Variants in C19orf47 observed in about 807,000 individuals in gnomAD.
C19orf47 encodes chromosome 19 open reading frame 47, also known as uncharacterized protein C19orf47.
A neutral mutation model predicts 32.3 loss-of-function variants in C19orf47; 18 were observed. That is an observed-to-expected ratio of 0.56 (90% confidence interval 0.39 to 0.83). The LOEUF is 0.83. Ranked by LOEUF, C19orf47 falls within the 40% of genes least tolerant of loss-of-function variation. The pLI, the probability that C19orf47 is intolerant of heterozygous loss-of-function variation, is 0.00. For missense variants in C19orf47, 484 were observed against 531.6 expected (o/e 0.91, Z 0.88); for synonymous variants, 202 against 211.1 (o/e 0.96, Z 0.37).
chr19:40,315,670 C>T (rs2077657075), downstream of C19orf47, among the ~76,000 whole-genome samples: 2 of 151,944 alleles, frequency 1.3e-5, no homozygotes, highest in South Asian at 2.1e-4. Flanking sequence ...ATCCCAGCCA[C>T]TCAGGAGGCT....
downstream of C19orf47, among the ~76,000 whole-genome samples, chr19:40,316,714 C>A (rs2077664415): frequency 6.6e-6 from 1 of 152,180 alleles, no homozygotes; most frequent in African/African-American, 2.4e-5. Context: ...TAGTTCAGAT[C>A]TGCAACGGAC....
rs2078060772 is a variant in C19orf47, at chr19:40,336,163, C to A, written c.169G>T (p.Val57Leu). The A allele has an allele frequency of 2.5e-6, 4 of 1,614,080 alleles. No individual in the cohort carries two copies. The highest frequency in any genetic ancestry group is 3.4e-6 in the Non-Finnish European group (4 of 1,180,030). ...AGAATGGCGATGATGTCACCCACCA[C>A]GGTCACGCCCAGCTCATTCATTATC... ...KEIMNELGVT[V>L]VGDIIAILKH... Residue 57 changes from valine to leucine, a missense_variant, in exon 4 of 9, where the codon GTG becomes TTG. Transcript: ENST00000683109.
chr19:40,331,133 A>G (rs1260860298), intron 5 of C19orf47, among the ~76,000 whole-genome samples: 1 of 152,204 alleles, frequency 6.6e-6, no homozygotes, highest in Non-Finnish European at 1.5e-5. Context: ...CCCTACCCAC[A>G]ATGACTGTGG....
In C19orf47 at chr19:40,322,238, C is replaced by G; in HGVS notation, c.802G>C (p.Ala268Pro). The change falls in exon 9 of 9, where the codon GCC becomes CCC. Residue 268 changes from alanine to proline, a missense_variant. Ala to Pro is a conservative substitution (Grantham distance 27, BLOSUM62 -1). Coordinates refer to ENST00000683109, the MANE Select transcript of C19orf47 (RefSeq NM_001256441.2). ...LKKLGRGPAK[A>P]SPQPALTVKA... ...ACAGTCAGTGCTGGCTGGGGACTGG[C>G]CTTGGCTGGGCCCCGTCCTAGCTTC... 1 of 1,609,214 alleles carries G rather than the reference C, an allele frequency of 6.2e-7. No homozygotes were observed. The highest frequency in any genetic ancestry group is 8.5e-7 in the Non-Finnish European group (1 of 1,179,986).
rs144750791 is a variant in C19orf47 at position 40,326,474 on chromosome 19, C to G, written c.452G>C (p.Arg151Pro). 3 of 1,613,348 alleles carry G rather than the reference C, an allele frequency of 1.9e-6. No individual in the cohort carries two copies. The highest frequency in any genetic ancestry group is 2.2e-5 in the South Asian group (2 of 91,050). The stretch of plus-strand genomic sequence containing the variant: ...AACAGCCAGGCTCTCCTCCTCCCGG[C>G]GGGCCAGGGCTGCTGGGGGAAGAAA... ...KSAKATAALA[R>P]REEESLAVPA... Residue 151 changes from arginine to proline, a missense_variant, in exon 7 of 9, where the codon CGC becomes CCC. Coordinates refer to ENST00000683109, the MANE Select transcript of C19orf47 (RefSeq NM_001256441.2).
intron 1 of C19orf47, chr19:40,343,444 T>C (rs1770431576): frequency 6.6e-6 from 1 of 152,210 alleles, no homozygotes. Context: ...TGTCACCATT[T>C]GTGAATTGGG....
In C19orf47 at chr19:40,333,865, C is replaced by T. The variant is rs757690643; in HGVS notation, c.287G>A (p.Arg96His). 5 of 1,574,864 alleles carry T rather than the reference C, an allele frequency of 3.2e-6. No individual in the cohort carries two copies. Among genetic ancestry groups the T allele is most frequent in the East Asian group, 4.6e-5 (2 of 43,612 alleles). ...TTAGGACTCACCACTGGTGCCACGG[C>T]GAATTTCGCCTGCAAGGGGGCTAGG... ...CSPSPLAGEI[R>H]RGTSAASRMI... is the part of the protein sequence containing the mutation. The change falls in exon 5 of 9, where the codon CGC (arginine) becomes CAC (histidine). Residue 96 changes from arginine to histidine, a missense_variant. By Grantham distance (29) the Arg-to-His change is conservative. Around this residue, in one of 3 missense-constraint regions of C19orf47, gnomAD observed 376 missense variants for 370.2 expected, o/e 1.02. Transcript: ENST00000683109.
Position 40,336,400 on chromosome 19 carries a change from G to T in C19orf47, c.27C>A (p.Ser9=). The change falls in exon 3 of 9, where the codon TCC becomes TCA. Residue 9 remains serine, a synonymous_variant. Coordinates refer to ENST00000683109, the MANE Select transcript of C19orf47 (RefSeq NM_001256441.2). MVSVTMAT[S]EWIQFFKEAG... ...CTTCCTTAAAGAACTGGATCCACTCGGAAGTGGCTGTGGGGTTGGACAGGG... is the reference window on the plus strand; with the variant it reads ...CTTCCTTAAAGAACTGGATCCACTCTGAAGTGGCTGTGGGGTTGGACAGGG... 1.2e-6 allele frequency: 2 copies of T among 1,613,108 alleles called. No individual in the cohort carries two copies. The highest frequency in any genetic ancestry group is 8.5e-7 in the Non-Finnish European group (1 of 1,179,578).
At chr19:40,348,224 C>G (rs1568635617) in intron 1 of C19orf47, 100 bp downstream of exon 1, 3 of 786,398 alleles carry the variant, frequency 3.8e-6, no homozygotes, top group Non-Finnish European at 5.3e-6. Context: ...ATCGTAAGTC[C>G]GAAGCCGTAC....
intron 1 of C19orf47, chr19:40,342,370 T>G (rs1297475966): frequency 6.2e-6 from 1 of 162,338 alleles, no homozygotes; most frequent in East Asian, 1.8e-4. Flanking sequence ...TGACTGTTCA[T>G]AGTCCTTTAC....
intron 1 of C19orf47, among the ~76,000 whole-genome samples, chr19:40,346,540 T>C (rs981391242): frequency 1.3e-5 from 2 of 148,578 alleles, no homozygotes; most frequent in African/African-American, 4.9e-5. Context: ...CCCTTTTTTT[T>C]TTTTGAGATG....
At chr19:40,327,586 C>T (rs1382311051) in intron 6 of C19orf47, among the ~76,000 whole-genome samples, 1 of 152,108 alleles carries the variant, frequency 6.6e-6, no homozygotes, top group Non-Finnish European at 1.5e-5. Flanking sequence ...GTGTCAGAAA[C>T]ATGAAGCGCC....
rs2077878714 is a variant in C19orf47 at position 40,328,421 on chromosome 19, T to G, written c.431A>C (p.Lys144Thr). 1.9e-6 allele frequency: 3 copies of G among 1,612,936 alleles called. No homozygotes were observed. Among genetic ancestry groups the G allele is most frequent in the Non-Finnish European group, 8.5e-7 (1 of 1,179,474 alleles). Residue 144 changes from lysine (K) to threonine (T), a missense_variant, in exon 6 of 9, where the codon AAG (lysine) becomes ACG (threonine). Lys to Thr is a moderately conservative substitution (Grantham distance 78). Coordinates refer to ENST00000683109, the MANE Select transcript of C19orf47 (RefSeq NM_001256441.2). ...TGCCCATGTTCCCTCACCAGTGGCC[T>G]TGGCACTCTTTGCTGCCATCTTGTT... ...VSNKMAAKSA[K>T]ATAALARREE...
intron 2 of C19orf47, among the ~76,000 whole-genome samples, chr19:40,341,239 C>T (rs1222571721): frequency 6.6e-6 from 1 of 150,860 alleles, no homozygotes; most frequent in Non-Finnish European, 1.5e-5. Context: ...GAGGCTAAGA[C>T]AGGAGAATCA....
At chr19:40,336,990 C>T (rs1003414863) in intron 2 of C19orf47, among the ~76,000 whole-genome samples, 2 of 152,188 alleles carry the variant, frequency 1.3e-5, no homozygotes, top group Admixed American at 1.3e-4. Flanking sequence ...CCTAACCCTG[C>T]GATTTCCCTA....
chr19:40,334,610 T>C (rs1471536575), intron 4 of C19orf47, among the ~76,000 whole-genome samples: 1 of 151,926 alleles, frequency 6.6e-6, no homozygotes, highest in African/African-American at 2.4e-5. Flanking sequence ...TAGCTGGGCA[T>C]GGTGGCGCAC....
chr19:40,322,910 G>A (rs936706146), intron 8 of C19orf47, among the ~76,000 whole-genome samples: 19 of 152,188 alleles, frequency 1.2e-4, no homozygotes, highest in Admixed American at 6.5e-4. Flanking sequence ...TGACAGTAAC[G>A]CATTCTAGAC....
intron 5 of C19orf47, among the ~76,000 whole-genome samples, chr19:40,333,304 A>AATAAATAC (rs2077994207): frequency 1.3e-5 from 2 of 151,270 alleles, no homozygotes; most frequent in Admixed American, 6.6e-5. Context: ...TAAATAAATA[A>AATAAATAC]ATAAAATGGC....
At chr19:40,316,888 A>G (rs1436813284), downstream of C19orf47, among the ~76,000 whole-genome samples, 1 of 152,198 alleles carries the variant, frequency 6.6e-6, no homozygotes, top group Non-Finnish European at 1.5e-5. Context: ...AACTGGTTAA[A>G]TAAATTAGAC....
Sources: allele counts gnomAD v4.1 joint callset (sites outside exome capture counted in the v4.1 genomes callset), GRCh38; gene constraint gnomAD v4.1.1; regional missense constraint gnomAD v4.1.1; transcripts MANE v1.5; gene names NCBI Gene and HGNC (gene_info 2026-07-23, HGNC 2026-07-21).